The following THEMIS variants were observed in gnomAD, a reference collection of about 807,000 sequenced individuals.
THEMIS encodes protein THEMIS.
THEMIS carries 37 observed loss-of-function variants against 52.6 expected under a neutral mutation model. That is an observed-to-expected ratio of 0.70 (90% CI 0.54 to 0.93). The LOEUF (loss-of-function observed/expected upper bound fraction) is 0.93, where lower values mean the gene tolerates loss of function less well. Among genes scored for constraint, THEMIS ranks in the 40% least tolerant of loss-of-function variants. THEMIS has a pLI of 0.00. For missense variants in THEMIS, 808 were observed against 763.1 expected (o/e 1.06, Z -0.69); for synonymous variants, 292 against 272.7 (o/e 1.07, Z -0.70).
intron 5 of THEMIS, among the ~76,000 whole-genome samples, chr6:127,716,007 G>A (rs1204213651): frequency 6.6e-6 from 1 of 151,836 alleles, no homozygotes; most frequent in Non-Finnish European, 1.5e-5. Flanking sequence ...CTAGCCCAGG[G>A]TTTGTCTTAC....
chr6:127,903,086 G>C (rs541195866), upstream of THEMIS, among the ~76,000 whole-genome samples: 1 of 152,042 alleles, frequency 6.6e-6, no homozygotes, highest in African/African-American at 2.4e-5. Context: ...TATTCTCTTA[G>C]TTTCCCAAGC....
At position 127,813,258 on chromosome 6, in the gene THEMIS, C is replaced by T; in HGVS notation, c.1383G>A (p.Val461=). The change falls in exon 4 of 6, where the codon GTG becomes GTA. Residue 461 remains valine, a synonymous_variant. Transcript: ENST00000368248. ...CTTCAATGGAAAGATCCCTGACAGA[C>T]ACCTTCACATTGAAGGGCAAACGGA... ...KQFRLPFNVK[V]SVRDLSIEED... The T allele has an allele frequency of 6.2e-7, 1 of 1,614,106 alleles. No individual in the cohort carries two copies. Among genetic ancestry groups the T allele is most frequent in the Non-Finnish European group, 8.5e-7 (1 of 1,180,008 alleles).
chr6:127,806,933 G>A lies in THEMIS; in HGVS notation c.1758+5950C>T, dbSNP rs186218759. 2.9e-3 allele frequency among the ~76,000 whole-genome samples: 445 copies of A among 152,170 alleles called. 3 individuals carry two copies. Among genetic ancestry groups the A allele is most frequent in the Non-Finnish European group, 3.2e-3 (219 of 67,990 alleles). On this transcript the variant is annotated intron_variant, in intron 4 of 5. Coordinates refer to ENST00000368248, the MANE Select transcript of THEMIS (RefSeq NM_001010923.3). The stretch of plus-strand genomic sequence containing the variant: ...TATTCATCCTTTGCCCTCTTCTCCC[G>A]TCTTTTTCACTTCTTTAGTTGTCTG...
chr6:127,912,337 C>T (rs140597382), intron 1 of THEMIS, among the ~76,000 whole-genome samples: 112 of 152,200 alleles, frequency 7.4e-4, no homozygotes, highest in Middle Eastern at 3.4e-3. Context: ...GTGGAGGGAA[C>T]TTGCCTTGTT....
intron 5 of THEMIS, among the ~76,000 whole-genome samples, chr6:127,713,800 G>A (rs1774064805): frequency 6.6e-6 from 1 of 151,804 alleles, no homozygotes; most frequent in Non-Finnish European, 1.5e-5. Context: ...CCAGAGTAGT[G>A]AGAAAGGAGA....
intron 3 of THEMIS, among the ~76,000 whole-genome samples, chr6:127,821,752 G>T (rs1778348440): frequency 6.6e-6 from 1 of 151,984 alleles, no homozygotes; most frequent in Non-Finnish European, 1.5e-5. Context: ...AAAATAAAGA[G>T]TTACCTTTAA....
At chr6:127,799,587 T>A (rs867296102) in intron 4 of THEMIS, among the ~76,000 whole-genome samples, 1 of 124,550 alleles carries the variant, frequency 8.0e-6, no homozygotes, top group Non-Finnish European at 1.8e-5. Context: ...TTCTTTCTTT[T>A]TTTCTTTCTT....
intron 1 of THEMIS, among the ~76,000 whole-genome samples, chr6:127,856,056 A>G (rs1779608617): frequency 6.6e-6 from 1 of 152,048 alleles, no homozygotes; most frequent in African/African-American, 2.4e-5. Context: ...ATAAATAAAC[A>G]TTATAGAGCT....
chr6:127,763,202 A>C, intron 4 of THEMIS, among the ~76,000 whole-genome samples: 1 of 152,040 alleles, frequency 6.6e-6, no homozygotes, highest in Middle Eastern at 3.2e-3. Flanking sequence ...GGAAAGGGAA[A>C]GCATTATATT....
chr6:127,791,080 G>A (rs913513760), intron 4 of THEMIS, among the ~76,000 whole-genome samples: 40 of 152,226 alleles, frequency 2.6e-4, no homozygotes, highest in African/African-American at 9.2e-4. Flanking sequence ...GTGGCAAGCA[G>A]GGGGTGTATT....
rs267600794 is a variant in THEMIS at position 127,829,487 on chromosome 6, C to T, written c.698G>A (p.Gly233Asp). ...LILKPVYEIQGVMKFRKDIIR... is the reference protein window; with the variant it reads ...LILKPVYEIQDVMKFRKDIIR... ...CAGTGGATACTCACATTTCATCACA[C>T]CTTGAATTTCATAAACAGGCTTGAG... The change falls in exon 3 of 6, where the codon GGT (glycine) becomes GAT (aspartate). Residue 233 changes from glycine (G) to aspartate (D), a missense_variant. By Grantham distance (94) the Gly-to-Asp change is moderately conservative. Coordinates refer to ENST00000368248, the MANE Select transcript of THEMIS (RefSeq NM_001010923.3). 1.2e-6 allele frequency: 2 copies of T among 1,602,700 alleles called. No homozygotes were observed. The highest frequency in any genetic ancestry group is 1.7e-6 in the Non-Finnish European group (2 of 1,174,966).
intron 4 of THEMIS, among the ~76,000 whole-genome samples, chr6:127,749,415 T>C (rs1775558697): frequency 6.6e-6 from 1 of 152,034 alleles, no homozygotes; most frequent in African/African-American, 2.4e-5. Context: ...AGATATGAAG[T>C]ATTGCACATC....
intron 1 of THEMIS, among the ~76,000 whole-genome samples, chr6:127,887,096 C>T (rs769715136): frequency 2.0e-5 from 3 of 150,648 alleles, no homozygotes; most frequent in Non-Finnish European, 4.4e-5. Context: ...CCACAAGCCA[C>T]AAAGGAAAGA....
At chr6:127,912,029 T>C (rs758853283) in intron 1 of THEMIS, among the ~76,000 whole-genome samples, 5 of 152,130 alleles carry the variant, frequency 3.3e-5, no homozygotes, top group Non-Finnish European at 1.5e-5. Context: ...TTGCAGCTGG[T>C]GAAAGCAGCC....
At chr6:127,876,566 G>A (rs567465075) in intron 1 of THEMIS, among the ~76,000 whole-genome samples, 2 of 152,236 alleles carry the variant, frequency 1.3e-5, no homozygotes, top group South Asian at 4.1e-4. Context: ...GATTCTCCAT[G>A]GTGAAACCCA....
chr6:127,746,439 T>G (rs1365376744), intron 4 of THEMIS, among the ~76,000 whole-genome samples: 2 of 151,312 alleles, frequency 1.3e-5, no homozygotes, highest in African/African-American at 4.8e-5. Flanking sequence ...TTGCACAAAA[T>G]AAATGCACAA....
At chr6:127,800,914 C>G (rs1447029452) in intron 4 of THEMIS, among the ~76,000 whole-genome samples, 1 of 152,064 alleles carries the variant, frequency 6.6e-6, no homozygotes, top group Non-Finnish European at 1.5e-5. Flanking sequence ...AGAACCCTGA[C>G]TAATATAGAT....
intron 2 of THEMIS, among the ~76,000 whole-genome samples, chr6:127,835,585 C>T (rs1328601058): frequency 6.6e-6 from 1 of 152,008 alleles, no homozygotes; most frequent in Non-Finnish European, 1.5e-5. Context: ...TTGCCTTTAC[C>T]CTGGGATTCT....
intron 3 of THEMIS, among the ~76,000 whole-genome samples, chr6:127,824,872 C>A (rs1052063134): frequency 1.3e-5 from 2 of 152,074 alleles, no homozygotes; most frequent in Non-Finnish European, 2.9e-5. Flanking sequence ...TTGCAGTGAG[C>A]GGAGATTGCG....
Sources: gnomAD v4.1 joint callset for allele counts (sites outside exome capture counted in the v4.1 genomes callset) on GRCh38, gnomAD v4.1.1 for gene constraint, MANE v1.5 for transcripts, NCBI Gene and HGNC (gene_info 2026-07-23, HGNC 2026-07-21) for gene names.